KCNT2: variants seen among roughly 807,000 people sequenced by gnomAD.
KCNT2 encodes potassium sodium-activated channel subfamily T member 2, also known as potassium channel subfamily T member 2.
KCNT2 carries 67 observed loss-of-function variants against 153.8 expected under a neutral mutation model. The ratio of observed to expected loss-of-function variants is 0.44; its 90% CI spans 0.36 to 0.53. KCNT2 has a LOEUF of 0.53. Among genes scored for constraint, KCNT2 ranks in the 20% least tolerant of loss-of-function variants. The pLI, the probability that KCNT2 is intolerant of heterozygous loss-of-function variation, is 0.00. For synonymous variants in KCNT2, 500 were observed against 458.8 expected (o/e 1.09, Z -1.15); for missense variants, 975 against 1,354.8 (o/e 0.72, Z 4.40).
rs139252268 is a variant in KCNT2 at position 196,385,535 on chromosome 1, T to C, written c.1295-12287A>G. On this transcript the variant is annotated intron_variant, in intron 13 of 27. Transcript: ENST00000294725. ...GAATATAAAAAATCCCTATAACTCA[T>C]TAAAAAATCGCCAAACAGAAAATAA... 4.0e-4 allele frequency among the ~76,000 whole-genome samples: 60 copies of C among 151,896 alleles called. No individual in the cohort carries two copies. In the East Asian group the frequency reaches 0.011, roughly 28 times the overall value.
intron 14 of KCNT2, among the ~76,000 whole-genome samples, chr1:196,361,699 G>A (rs1667637174): frequency 6.6e-6 from 1 of 152,082 alleles, no homozygotes; most frequent in African/African-American, 2.4e-5. Flanking sequence ...GGAGTGGGAA[G>A]GAGATGTGGG....
At chr1:196,471,129 G>A (rs1678070939) in intron 5 of KCNT2, among the ~76,000 whole-genome samples, 1 of 151,308 alleles carries the variant, frequency 6.6e-6, no homozygotes, top group Admixed American at 6.6e-5. Flanking sequence ...GGATGGTCCC[G>A]ATCTCCTAAC....
chr1:196,492,942 C>T (rs1018976253), intron 1 of KCNT2, among the ~76,000 whole-genome samples: 1 of 152,110 alleles, frequency 6.6e-6, no homozygotes, highest in African/African-American at 2.4e-5. Context: ...AAGGTTACCA[C>T]AGATAGATTA....
At chr1:196,348,632 C>G (rs372654791) in intron 14 of KCNT2, among the ~76,000 whole-genome samples, 1 of 151,802 alleles carries the variant, frequency 6.6e-6, no homozygotes, top group Non-Finnish European at 1.5e-5. Flanking sequence ...TTAATGATCT[C>G]GGATTTTAAA....
In KCNT2 at chr1:196,572,838, CAT is replaced by C. The variant is rs550324203; in HGVS notation, c.95+35375_95+35376del. Among the ~76,000 whole-genome samples the C allele has an allele frequency of 3.3e-3, 507 of 152,122 alleles. 2 individuals carry two copies. Among genetic ancestry groups the C allele is most frequent in the African/African-American group, 0.012 (482 of 41,536 alleles). ...GCTTTTATGGAGTAAGAATGTCTAA[CAT>C]ATAATTTCCAGTTGTTTCTTGATGC... is the stretch of plus-strand genomic sequence containing the variant. On this transcript the variant is annotated intron_variant, in intron 1 of 27. Coordinates refer to ENST00000294725, the MANE Select transcript of KCNT2 (RefSeq NM_198503.5).
intron 8 of KCNT2, among the ~76,000 whole-genome samples, chr1:196,448,065 A>C (rs973616423): frequency 6.6e-6 from 1 of 151,722 alleles, no homozygotes. Flanking sequence ...TTTTCACCAC[A>C]ACATGTCATC....
intron 1 of KCNT2, among the ~76,000 whole-genome samples, chr1:196,577,657 A>AC (rs1431427871): frequency 6.6e-6 from 1 of 152,140 alleles, no homozygotes; most frequent in Non-Finnish European, 1.5e-5. Context: ...GCTTGAACTA[A>AC]CCTAGAAAAC....
At chr1:196,269,356 T>C (rs1003756506) in intron 25 of KCNT2, among the ~76,000 whole-genome samples, 5 of 152,022 alleles carry the variant, frequency 3.3e-5, no homozygotes, top group African/African-American at 1.2e-4. Context: ...AGTGTGTGTA[T>C]ATGTGTGTGT....
chr1:196,312,449 C>T (rs922461481), intron 21 of KCNT2, among the ~76,000 whole-genome samples: 1 of 151,540 alleles, frequency 6.6e-6, no homozygotes, highest in Non-Finnish European at 1.5e-5. Context: ...AGAGAAGGAA[C>T]GAATCAGGGT....
At chr1:196,288,319 T>C (rs1014197979) in intron 22 of KCNT2, among the ~76,000 whole-genome samples, 4 of 151,936 alleles carry the variant, frequency 2.6e-5, no homozygotes, top group Non-Finnish European at 5.9e-5. Context: ...AGTTAAGAAT[T>C]ACACTGAAAA....
intron 5 of KCNT2, among the ~76,000 whole-genome samples, chr1:196,475,774 T>C (rs1217173426): frequency 6.6e-6 from 1 of 152,154 alleles, no homozygotes; most frequent in East Asian, 1.9e-4. Context: ...GATTGGACTA[T>C]ATTGATGAGA....
chr1:196,317,416 T>C (rs540301943), intron 20 of KCNT2: 76 of 255,270 alleles, frequency 3.0e-4, no homozygotes, highest in African/African-American at 1.7e-3. Flanking sequence ...TCATAATTTT[T>C]CTTAATTTAT....
At chr1:196,465,854 A>C (rs1677567009) in intron 7 of KCNT2, among the ~76,000 whole-genome samples, 1 of 152,030 alleles carries the variant, frequency 6.6e-6, no homozygotes, top group South Asian at 2.1e-4. Flanking sequence ...AAGAAAAAAA[A>C]ATAAAATAGC....
chr1:196,277,748 T>C (rs537095005), intron 25 of KCNT2, among the ~76,000 whole-genome samples: 237 of 152,272 alleles, frequency 1.6e-3, no homozygotes, highest in Non-Finnish European at 2.4e-3. Flanking sequence ...AAAACTTTGT[T>C]TTTGAATCAT....
At chr1:196,405,584 G>A (rs897540830) in intron 12 of KCNT2, among the ~76,000 whole-genome samples, 1 of 151,364 alleles carries the variant, frequency 6.6e-6, no homozygotes, top group Non-Finnish European at 1.5e-5. Flanking sequence ...TTTTATAAAT[G>A]AATTATTTAC....
intron 11 of KCNT2, among the ~76,000 whole-genome samples, chr1:196,424,029 A>T (rs1040643269): frequency 6.6e-6 from 1 of 151,944 alleles, no homozygotes; most frequent in African/African-American, 2.4e-5. Context: ...AAATGAACAT[A>T]AAAATGGATA....
intron 5 of KCNT2, among the ~76,000 whole-genome samples, chr1:196,478,083 T>G (rs1049359297): frequency 6.6e-6 from 1 of 152,230 alleles, no homozygotes; most frequent in Non-Finnish European, 1.5e-5. Context: ...TTAGTCTTAC[T>G]GCAGTATTTC....
chr1:196,252,354 A>G (rs1453195621), intron 26 of KCNT2, among the ~76,000 whole-genome samples: 3 of 151,754 alleles, frequency 2.0e-5, no homozygotes, highest in African/African-American at 4.8e-5. Flanking sequence ...GTAAGAGGCC[A>G]TGCACAACAC....
intron 8 of KCNT2, among the ~76,000 whole-genome samples, chr1:196,434,449 C>T (rs932219126): frequency 6.6e-6 from 1 of 151,922 alleles, no homozygotes; most frequent in Non-Finnish European, 1.5e-5. Flanking sequence ...TCCTACTGTG[C>T]TTCCAGGTCT....
Sources: allele counts gnomAD v4.1 joint callset (sites outside exome capture counted in the v4.1 genomes callset), GRCh38; gene constraint gnomAD v4.1.1; transcripts MANE v1.5; gene names NCBI Gene and HGNC (gene_info 2026-07-23, HGNC 2026-07-21).